The following TF variants were observed in gnomAD, a reference collection of about 807,000 sequenced individuals.
The protein encoded by TF is transferrin.
A neutral mutation model predicts 82.4 loss-of-function variants in TF; 55 were observed. The observed-to-expected ratio is 0.67, with a 90% confidence interval of 0.54 to 0.84. The LOEUF is 0.84. TF is among the 40% of genes least tolerant of loss of function. TF has a pLI of 0.00. For synonymous variants in TF, 332 were observed against 332.6 expected, an observed-to-expected ratio of 1.00 and a Z score of 0.02; for missense variants, 737 against 868.4, an observed-to-expected ratio of 0.85 and a Z score of 1.90.
At chr3:133,693,936 C>T in the TF span, among the ~76,000 whole-genome samples, 212 of 152,062 alleles carry the variant, frequency 1.4e-3, 1 homozygote, top group African/African-American at 3.6e-3. Context: ...CACCCTGCAG[C>T]GGACAAGCTG....
chr3:133,732,424 A>C, the TF span, among the ~76,000 whole-genome samples: 1 of 152,234 alleles, frequency 6.6e-6, no homozygotes, highest in Admixed American at 6.5e-5. Context: ...AAATGGACCA[A>C]TCAGCTCTCT....
the TF span, among the ~76,000 whole-genome samples, chr3:133,674,684 C>T: frequency 6.6e-6 from 1 of 152,024 alleles, no homozygotes; most frequent in Non-Finnish European, 1.5e-5. Flanking sequence ...GCCGGCGCTG[C>T]AAGGTGCTCC....
intron 2 of TF, among the ~76,000 whole-genome samples, chr3:133,752,613 C>G (rs1397734186): frequency 6.6e-6 from 1 of 151,960 alleles, no homozygotes. Context: ...TTCAAGGGAC[C>G]TGTTGATGTA....
At chr3:133,692,990 A>C in the TF span, 1 of 152,464 alleles carries the variant, frequency 6.6e-6, no homozygotes, top group Non-Finnish European at 1.5e-5. Context: ...GGTCACCCGC[A>C]TGGGCTGTGC....
At chr3:133,694,554 C>G in the TF span, among the ~76,000 whole-genome samples, 1 of 152,182 alleles carries the variant, frequency 6.6e-6, no homozygotes. Context: ...CTGGCCTCCC[C>G]AGAGCTTGGG....
chr3:133,766,076 A>T (rs1272879904), intron 11 of TF, among the ~76,000 whole-genome samples: 1 of 152,182 alleles, frequency 6.6e-6, no homozygotes, highest in Non-Finnish European at 1.5e-5. Context: ...GTGTTTTCAC[A>T]ATATTTTGTT....
chr3:133,725,224 T>C, the TF span, among the ~76,000 whole-genome samples: 3 of 152,164 alleles, frequency 2.0e-5, no homozygotes, highest in Admixed American at 6.5e-5. Context: ...GGGATGGCAT[T>C]GAATCTATAA....
At chr3:133,772,250 G>A (rs974595268) in intron 14 of TF, among the ~76,000 whole-genome samples, 5 of 152,052 alleles carry the variant, frequency 3.3e-5, no homozygotes, top group East Asian at 1.9e-4. Context: ...TTCTTCCCTC[G>A]TATTATTGCT....
At chr3:133,691,082 C>T in the TF span, among the ~76,000 whole-genome samples, 1 of 152,010 alleles carries the variant, frequency 6.6e-6, no homozygotes, top group Non-Finnish European at 1.5e-5. Context: ...GGGAGGCATA[C>T]AGAAACATAA....
rs1934953200 is a variant in TF, at chr3:133,795,766, CG to C, written c.*17150del. 1 of 151,736 alleles carries C rather than the reference CG, an allele frequency of 6.6e-6. No individual in the cohort carries two copies. The highest frequency in any genetic ancestry group is 2.4e-5 in the African/African-American group (1 of 41,248). 9.4% of individuals were successfully genotyped at this position (151,736 alleles called of 1,614,324 possible). A position where few individuals can be genotyped will look rare whatever the true frequency, so the allele number is the denominator to read the frequency against. On this transcript the variant is annotated 3_prime_UTR_variant, in exon 17 of 17. Coordinates refer to ENST00000402696, the MANE Select transcript of TF (RefSeq NM_001063.4). ...AATTTTTTTGTATTTTTAGTGGAGA[CG>C]GGGTTTCACCATGTTAGCCAGGATG...
At chr3:133,708,312 T>C in the TF span, among the ~76,000 whole-genome samples, 1 of 152,006 alleles carries the variant, frequency 6.6e-6, no homozygotes, top group Non-Finnish European at 1.5e-5. Context: ...TCACAGAAAA[T>C]AATGCAGCAA....
the TF span, among the ~76,000 whole-genome samples, chr3:133,663,198 T>C: frequency 9.8e-5 from 15 of 152,312 alleles, no homozygotes; most frequent in Admixed American, 3.3e-4. Context: ...AAGCTTTTTG[T>C]TCCTTGGCTA....
At chr3:133,720,606 A>G in the TF span, among the ~76,000 whole-genome samples, 112,064 of 152,100 alleles carry the variant, frequency 0.74, 41,965 homozygotes, top group East Asian at 0.95. Context: ...AATTCTGGCC[A>G]TATAAAATGA....
the TF span, among the ~76,000 whole-genome samples, chr3:133,726,149 T>C: frequency 5.3e-4 from 80 of 152,322 alleles, 1 homozygote; most frequent in South Asian, 0.012. Flanking sequence ...CCGGCTTTGA[T>C]ATCAGGATGA....
the TF span, among the ~76,000 whole-genome samples, chr3:133,664,029 C>A: frequency 6.6e-6 from 1 of 152,160 alleles, no homozygotes; most frequent in Non-Finnish European, 1.5e-5. Flanking sequence ...AGCAGTGGTT[C>A]TGATGTGTAG....
chr3:133,712,537 TA>T, the TF span: 1 of 152,588 alleles, frequency 6.6e-6, no homozygotes, highest in Admixed American at 6.5e-5. Context: ...GTCTTGCTTT[TA>T]ATAATATGTT....
the TF span, among the ~76,000 whole-genome samples, chr3:133,717,987 T>C: frequency 6.6e-6 from 1 of 151,928 alleles, no homozygotes. Flanking sequence ...CCCAATAAAA[T>C]ATATGCCAAG....
At position 133,779,051 on chromosome 3, in the gene TF, G is replaced by GAAGGGGC. The variant is rs1934463152; in HGVS notation, c.*435_*441dup. 1 of 201,736 alleles carries GAAGGGGC rather than the reference G, an allele frequency of 5.0e-6. No individual in the cohort carries two copies. The allele number at this position is 201,736 out of a possible 1,614,324, so 12.5% of individuals were successfully genotyped here. A position where few individuals can be genotyped will look rare whatever the true frequency, so the allele number is the denominator to read the frequency against. On this transcript the variant is annotated 3_prime_UTR_variant, in exon 17 of 17. Coordinates refer to ENST00000402696, the MANE Select transcript of TF (RefSeq NM_001063.4). ...GTGCGCGTGCGTGTGTCATGCTAAGGAAGGGGCAAGAAGGAGGATGCAGAG... is the reference window on the plus strand; with the variant it reads ...GTGCGCGTGCGTGTGTCATGCTAAGGAAGGGGCAAGGGGCAAGAAGGAGGATGCAGAG...
At chr3:133,681,397 T>C in the TF span, among the ~76,000 whole-genome samples, 149,779 of 152,324 alleles carry the variant, frequency 0.98, 73,646 homozygotes, top group South Asian at 1. Context: ...CGAAGCAGGG[T>C]GAGACATCAC....
Sources: gnomAD v4.1 joint callset for allele counts (sites outside exome capture counted in the v4.1 genomes callset) on GRCh38, gnomAD v4.1.1 for gene constraint, MANE v1.5 for transcripts, NCBI Gene and HGNC (gene_info 2026-07-23, HGNC 2026-07-21) for gene names.